The following SMC5 variants were observed in gnomAD, a reference collection of about 807,000 sequenced individuals.
SMC5 encodes structural maintenance of chromosomes protein 5.
SMC5 carries 88 observed loss-of-function variants against 148.3 expected under a neutral mutation model. The observed-to-expected ratio is 0.59, with a 90% CI of 0.50 to 0.71. The LOEUF (loss-of-function observed/expected upper bound fraction) is 0.71. Among genes scored for constraint, SMC5 ranks in the 30% least tolerant of loss-of-function variants. The pLI, the probability that SMC5 is intolerant of heterozygous loss-of-function variation, is 0.00. For missense variants in SMC5, 1,142 were observed against 1,298.9 expected (o/e 0.88, Z 1.86); for synonymous variants, 421 against 432.8 (o/e 0.97, Z 0.34).
intron 17 of SMC5, among the ~76,000 whole-genome samples, chr9:70,329,681 C>T (rs1464726627): frequency 2.0e-5 from 3 of 152,190 alleles, no homozygotes; most frequent in Admixed American, 2.0e-4. Flanking sequence ...CTGTTCCAAC[C>T]TCTGCTTATT....
chr9:70,328,575 T>C (rs547324260), intron 17 of SMC5, among the ~76,000 whole-genome samples: 1 of 152,328 alleles, frequency 6.6e-6, no homozygotes, highest in East Asian at 1.9e-4. Flanking sequence ...GCTCCACCCC[T>C]GTGGCTCGGC....
intron 17 of SMC5, among the ~76,000 whole-genome samples, chr9:70,343,572 T>C (rs2036579338): frequency 1.3e-5 from 2 of 152,160 alleles, no homozygotes; most frequent in African/African-American, 4.8e-5. Flanking sequence ...CCCAGCACTT[T>C]TGAGAGCCCA....
intron 17 of SMC5, among the ~76,000 whole-genome samples, chr9:70,341,215 A>G (rs2036513762): frequency 6.6e-6 from 1 of 152,180 alleles, no homozygotes; most frequent in African/African-American, 2.4e-5. Context: ...TGTATAGAAT[A>G]TTTTCTCAGA....
At chr9:70,281,989 CT>C (rs1219391091) in intron 6 of SMC5, among the ~76,000 whole-genome samples, 1 of 150,336 alleles carries the variant, frequency 6.7e-6, no homozygotes, top group African/African-American at 2.4e-5. Flanking sequence ...ACAGGCATCA[CT>C]TTCACCTACA....
intron 19 of SMC5, 36 bp from the exon 20 acceptor site, chr9:70,347,030 C>T: frequency 6.8e-7 from 1 of 1,481,252 alleles, no homozygotes; most frequent in Non-Finnish European, 9.4e-7. Context: ...GAACTGTTTT[C>T]ATTGTATCTA....
chr9:70,314,827 A>G lies in SMC5; in HGVS notation c.1664A>G (p.Asn555Ser), dbSNP rs1445061448. ...GACAAAGCACCTTCAAGATCTTTGA[A>G]TGAACTTAAGTAAGTCTTGAAAATA... is the stretch of plus-strand genomic sequence containing the variant. The part of the protein sequence containing the change: ...YADKAPSRSL[N>S]ELKQYGFFSY... The change falls in exon 12 of 25, where the codon AAT becomes AGT. Residue 555 changes from asparagine (N) to serine (S), a missense_variant. Asn to Ser is a conservative substitution (Grantham distance 46). Coordinates refer to ENST00000361138, the MANE Select transcript of SMC5 (RefSeq NM_015110.4). The G allele has an allele frequency of 1.3e-6, 2 of 1,537,614 alleles. No individual in the cohort carries two copies. Among genetic ancestry groups the G allele is most frequent in the Non-Finnish European group, 1.8e-6 (2 of 1,132,396 alleles).
intron 11 of SMC5, chr9:70,311,503 A>G (rs1278999555): frequency 6.6e-6 from 1 of 152,202 alleles, no homozygotes; most frequent in Non-Finnish European, 1.5e-5. Flanking sequence ...AAAATATGAC[A>G]CAGAGACACA....
In SMC5 at chr9:70,314,791, G is replaced by A. The variant is rs1263948530; in HGVS notation, c.1628G>A (p.Ser543Asn). 6 of 1,576,700 alleles carry A rather than the reference G, an allele frequency of 3.8e-6. No homozygotes were observed. Among genetic ancestry groups the A allele is most frequent in the Non-Finnish European group, 5.2e-6 (6 of 1,160,654 alleles). ...GTAAATGCTGTTATTGCTCCCAAGA[G>A]TTCATATGCAGACAAAGCACCTTCA... Reference protein sequence around the residue: ...LRVNAVIAPKSSYADKAPSRS... With the variant: ...LRVNAVIAPKNSYADKAPSRS... The change falls in exon 12 of 25, where the codon AGT becomes AAT. Residue 543 changes from serine (S) to asparagine (N), a missense_variant. Ser to Asn is a conservative substitution (Grantham distance 46). Around this residue, in one of 5 missense-constraint regions of SMC5, gnomAD observed 743 missense variants for 835.7 expected, o/e 0.89. Transcript: ENST00000361138.
chr9:70,341,903 G>A (rs1242570711), intron 17 of SMC5, among the ~76,000 whole-genome samples: 1 of 151,276 alleles, frequency 6.6e-6, no homozygotes, highest in Non-Finnish European at 1.5e-5. Context: ...ATACCCAAAG[G>A]ACTATAAATC....
At chr9:70,268,655 A>G (rs2034359689) in intron 3 of SMC5, among the ~76,000 whole-genome samples, 1 of 151,962 alleles carries the variant, frequency 6.6e-6, no homozygotes. Flanking sequence ...TCTTTAAAAA[A>G]CGCAAACAAT....
intron 17 of SMC5, among the ~76,000 whole-genome samples, chr9:70,328,501 TTGAC>T (rs2036143410): frequency 6.6e-6 from 1 of 152,226 alleles, no homozygotes; most frequent in East Asian, 1.9e-4. Context: ...CAAAAAGTCT[TTGAC>T]TGCATGTCTC....
At chr9:70,317,688 T>C (rs1402951645) in intron 13 of SMC5, among the ~76,000 whole-genome samples, 1 of 152,164 alleles carries the variant, frequency 6.6e-6, no homozygotes, top group South Asian at 2.1e-4. Context: ...TCTATAAATA[T>C]ACAGAAATAG....
chr9:70,297,806 G>A (rs2035240499), intron 8 of SMC5, among the ~76,000 whole-genome samples, 160 bp from the exon 9 acceptor site: 1 of 152,162 alleles, frequency 6.6e-6, no homozygotes, highest in Non-Finnish European at 1.5e-5. Flanking sequence ...AGGTAGTCTG[G>A]TAGAACTGGT....
At chr9:70,338,626 TC>T (rs1453196055) in intron 17 of SMC5, among the ~76,000 whole-genome samples, 9 of 152,242 alleles carry the variant, frequency 5.9e-5, no homozygotes, top group African/African-American at 2.2e-4. Flanking sequence ...AATGTCTACT[TC>T]CAACTTCTAG....
At chr9:70,345,284 A>G (rs888752766) in intron 18 of SMC5, among the ~76,000 whole-genome samples, 1 of 152,158 alleles carries the variant, frequency 6.6e-6, no homozygotes, top group African/African-American at 2.4e-5. Context: ...ATTACCTCTT[A>G]TATGTCAAGC....
At chr9:70,298,353 C>T (rs1247922111) in intron 9 of SMC5, 132 bp downstream of exon 9, 3 of 945,482 alleles carry the variant, frequency 3.2e-6, no homozygotes, top group Non-Finnish European at 3.1e-6. Context: ...CAACTCAGTT[C>T]TTCCAACTTC....
chr9:70,323,557 T>G lies in SMC5; in HGVS notation c.2225T>G (p.Ile742Arg), dbSNP rs201085538. Residue 742 changes from isoleucine to arginine, a missense_variant, in exon 16 of 25, where the codon ATA (isoleucine) becomes AGA (arginine). Transcript: ENST00000361138. ...AAAGCAAGTACCAAAATCAAAGAAA[T>G]AAATGTTCAAAAAGCGAAACTTGTT... is the stretch of plus-strand genomic sequence containing the variant. ...ERKASTKIKE[I>R]NVQKAKLVTE... 45 of 1,612,676 alleles carry G rather than the reference T, an allele frequency of 2.8e-5. No individual in the cohort carries two copies. Among genetic ancestry groups the G allele is most frequent in the Middle Eastern group, 3.4e-4 (2 of 5,896 alleles).
At chr9:70,288,780 C>T (rs1240311807) in intron 8 of SMC5, among the ~76,000 whole-genome samples, 3 of 152,070 alleles carry the variant, frequency 2.0e-5, no homozygotes, top group Non-Finnish European at 2.9e-5. Flanking sequence ...TCAAGTTCTA[C>T]TTAACACTGC....
chr9:70,317,016 A>G (rs999225097), intron 13 of SMC5, among the ~76,000 whole-genome samples: 2 of 152,130 alleles, frequency 1.3e-5, no homozygotes, highest in Admixed American at 6.5e-5. Context: ...TCTATGTTGT[A>G]TATAAATAAT....
Sources: allele counts gnomAD v4.1 joint callset (sites outside exome capture counted in the v4.1 genomes callset), GRCh38; gene constraint gnomAD v4.1.1; regional missense constraint gnomAD v4.1.1; transcripts MANE v1.5; gene names NCBI Gene and HGNC (gene_info 2026-07-23, HGNC 2026-07-21).